Variants in MYOD1 observed in about 807,000 individuals in gnomAD.
MYOD1 encodes myoblast determination protein 1.
A neutral mutation model predicts 14.9 loss-of-function variants in MYOD1; 15 were observed. The observed-to-expected ratio is 1.01, with a 90% confidence interval of 0.67 to 1.55. The LOEUF (loss-of-function observed/expected upper bound fraction) is 1.55. Among genes scored for constraint, MYOD1 ranks in the 40% most tolerant of loss-of-function variants. The pLI, the probability that MYOD1 is intolerant of heterozygous loss-of-function variation, is 0.00. For synonymous variants in MYOD1, 235 were observed against 218.6 expected, an observed-to-expected ratio of 1.07 and a Z score of -0.66; for missense variants, 529 against 482.6, an observed-to-expected ratio of 1.10 and a Z score of -0.90.
rs1241234242 is a variant in MYOD1, at chr11:17,721,481, C to T, written c.936C>T (p.Asn312=). Reference sequence around the variant, plus strand: ...CCCCGCAGTGCCCTGCGGGTGCGAACCCCAACCCGATATACCAGGTGCTCT... The same window carrying T: ...CCCCGCAGTGCCCTGCGGGTGCGAATCCCAACCCGATATACCAGGTGCTCT... ...DAAPQCPAGA[N]PNPIYQVL The change falls in exon 3 of 3, where the codon AAC becomes AAT. Residue 312 remains asparagine (N), a synonymous_variant. Coordinates refer to ENST00000250003, the MANE Select transcript of MYOD1 (RefSeq NM_002478.5). The surrounding 1 kb of genome is among the most constrained non-coding windows in gnomAD (Gnocchi z 6.2). The T allele has an allele frequency of 2.5e-6, 4 of 1,577,728 alleles. No individual in the cohort carries two copies. In the African/African-American group the frequency reaches 4.1e-5, roughly 16 times the overall value.
In MYOD1 at chr11:17,720,655, T is replaced by C. The variant is rs534862950; in HGVS notation, c.630+243T>C. ...CACTGCAGCGCGAACGTGAAGATCT[T>C]TTTCTCTACTTATCCCTACTTCCAA... On this transcript the variant is annotated intron_variant, in intron 1 of 2. Transcript: ENST00000250003. Among the ~76,000 whole-genome samples, 4 of 152,246 alleles carry C rather than the reference T, an allele frequency of 2.6e-5. No homozygotes were observed. In the East Asian group the frequency reaches 5.8e-4, roughly 22 times the overall value.
chr11:17,720,565 G>C (rs781180636), intron 1 of MYOD1, among the ~76,000 whole-genome samples, 153 bp downstream of exon 1: 3 of 152,226 alleles, frequency 2.0e-5, no homozygotes, highest in African/African-American at 7.2e-5. Flanking sequence ...GCTGTCACTG[G>C]GGTAGCCTGT....
chr11:17,721,721 T>G lies in MYOD1; in HGVS notation c.*213T>G. ...CGCAGCACCCTTCTCGGAGACCCATTGCGATGGCCGCTCCGTGTTCCTCGG... is the reference window on the plus strand; with the variant it reads ...CGCAGCACCCTTCTCGGAGACCCATGGCGATGGCCGCTCCGTGTTCCTCGG... On this transcript the variant is annotated 3_prime_UTR_variant, in exon 3 of 3. Coordinates refer to ENST00000250003, the MANE Select transcript of MYOD1 (RefSeq NM_002478.5). This position sits in a 1 kb window ranked among gnomAD's most constrained non-coding sequence, Gnocchi z 6.2. The G allele has an allele frequency of 2.0e-6, 1 of 495,676 alleles. No individual in the cohort carries two copies. The highest frequency in any genetic ancestry group is 4.3e-5 in the South Asian group (1 of 23,494). 30.7% of individuals were successfully genotyped at this position (495,676 alleles called of 1,614,324 possible). A position where few individuals can be genotyped will look rare whatever the true frequency, so the allele number is the denominator to read the frequency against.
At chr11:17,720,551 G>A in intron 1 of MYOD1, 139 bp downstream of exon 1, 1 of 1,236,980 alleles carries the variant, frequency 8.1e-7, no homozygotes. Flanking sequence ...CCTTGTCCTG[G>A]GCAGCTGTCA....
At position 17,720,390 on chromosome 11, in the gene MYOD1, G is replaced by A. The variant is rs1164496055; in HGVS notation, c.608G>A (p.Arg203His). 6.4e-7 allele frequency: 1 copy of A among 1,562,554 alleles called. No individual in the cohort carries two copies. Among genetic ancestry groups the A allele is most frequent in the Non-Finnish European group, 8.6e-7 (1 of 1,164,726 alleles). The change falls in exon 1 of 3, where the codon CGC (arginine) becomes CAC (histidine). Residue 203 changes from arginine (R) to histidine (H), a missense_variant. Coordinates refer to ENST00000250003, the MANE Select transcript of MYOD1 (RefSeq NM_002478.5). ...GGCGACTCCGACGCGTCCAGCCCGCGCTCCAACTGCTCCGACGGCATGGTA... is the reference window on the plus strand; with the variant it reads ...GGCGACTCCGACGCGTCCAGCCCGCACTCCAACTGCTCCGACGGCATGGTA... Reference protein sequence around the residue: ...YSGDSDASSPRSNCSDGMMDY... With the variant: ...YSGDSDASSPHSNCSDGMMDY...
In MYOD1 at chr11:17,719,705, C is replaced by G; in HGVS notation, c.-78C>G. The G allele has an allele frequency of 2.6e-6, 4 of 1,523,842 alleles. No homozygotes were observed. The highest frequency in any genetic ancestry group is 2.6e-6 in the Non-Finnish European group (3 of 1,137,908). The allele number at this position is 1,523,842 out of a possible 1,614,324, so 94.4% of individuals were successfully genotyped here. ...CTTTGCTATCTACAGCCGGGGCTCC[C>G]GAGCGGCAGAAAGTTCCGGCCACTC... On this transcript the variant is annotated 5_prime_UTR_variant, in exon 1 of 3. Coordinates refer to ENST00000250003, the MANE Select transcript of MYOD1 (RefSeq NM_002478.5).
At position 17,721,568 on chromosome 11, in the gene MYOD1, A is replaced by C; in HGVS notation, c.*60A>C. On this transcript the variant is annotated 3_prime_UTR_variant, in exon 3 of 3. Coordinates refer to ENST00000250003, the MANE Select transcript of MYOD1 (RefSeq NM_002478.5). The surrounding 1 kb of genome is among the most constrained non-coding windows in gnomAD (Gnocchi z 6.2). ...TGCCCCTAGGGTCCCTCGCGCCCAAAAGATTGAACTTAAATGCCCCCCTCC... is the reference window on the plus strand; with the variant it reads ...TGCCCCTAGGGTCCCTCGCGCCCAACAGATTGAACTTAAATGCCCCCCTCC... The C allele has an allele frequency of 6.8e-7, 1 of 1,471,472 alleles. No individual in the cohort carries two copies. The allele number at this position is 1,471,472 out of a possible 1,614,324, so 91.2% of individuals were successfully genotyped here.
Position 17,721,102 on chromosome 11 carries a change from T to C in MYOD1, c.709+122T>C. The C allele has an allele frequency of 3.5e-6, 5 of 1,415,170 alleles. No homozygotes were observed. The highest frequency in any genetic ancestry group is 4.7e-6 in the Non-Finnish European group (5 of 1,068,988). 87.7% of individuals were successfully genotyped at this position (1,415,170 alleles called of 1,614,324 possible). A position where few individuals can be genotyped will look rare whatever the true frequency, so the allele number is the denominator to read the frequency against. On this transcript the variant is annotated intron_variant, in intron 2 of 2. Coordinates refer to ENST00000250003, the MANE Select transcript of MYOD1 (RefSeq NM_002478.5). This position sits in a 1 kb window ranked among gnomAD's most constrained non-coding sequence, Gnocchi z 6.2. ...ATGTCCTGGGAAGTGGTGCAGGAGATGAAATACTAAGCAAGTAGCTCCCTG... is the reference window on the plus strand; with the variant it reads ...ATGTCCTGGGAAGTGGTGCAGGAGACGAAATACTAAGCAAGTAGCTCCCTG...
rs1848640677 is a variant in MYOD1, at chr11:17,721,724, G to A, written c.*216G>A. On this transcript the variant is annotated 3_prime_UTR_variant, in exon 3 of 3. Coordinates refer to ENST00000250003, the MANE Select transcript of MYOD1 (RefSeq NM_002478.5). This position sits in a 1 kb window ranked among gnomAD's most constrained non-coding sequence, Gnocchi z 6.2. ...AGCACCCTTCTCGGAGACCCATTGC[G>A]ATGGCCGCTCCGTGTTCCTCGGTGG... The A allele has an allele frequency of 2.0e-6, 1 of 502,916 alleles. No individual in the cohort carries two copies. The highest frequency in any genetic ancestry group is 3.4e-6 in the Non-Finnish European group (1 of 297,316). The allele number at this position is 502,916 out of a possible 1,614,324, so 31.2% of individuals were successfully genotyped here.
chr11:17,720,409 C>T lies in MYOD1; in HGVS notation c.627C>T (p.Gly209=). 1 of 1,562,144 alleles carries T rather than the reference C, an allele frequency of 6.4e-7. No individual in the cohort carries two copies. Among genetic ancestry groups the T allele is most frequent in the South Asian group, 1.2e-5 (1 of 85,436 alleles). ...GCCCGCGCTCCAACTGCTCCGACGGCATGGTAAGGCCGGGACCCCAGGAAG... is the reference window on the plus strand; with the variant it reads ...GCCCGCGCTCCAACTGCTCCGACGGTATGGTAAGGCCGGGACCCCAGGAAG... ...ASSPRSNCSD[G]MMDYSGPPSG... The change falls in exon 1 of 3, where the codon GGC becomes GGT. Residue 209 remains glycine (G), a synonymous_variant. Coordinates refer to ENST00000250003, the MANE Select transcript of MYOD1 (RefSeq NM_002478.5).
At chr11:17,720,796 G>T in intron 1 of MYOD1, 106 bp from the exon 2 acceptor site, 1 of 1,276,120 alleles carries the variant, frequency 7.8e-7, no homozygotes. Flanking sequence ...TCTGGGCCCG[G>T]AACTAGAGCC....
chr11:17,720,296 C>T lies in MYOD1; in HGVS notation c.514C>T (p.Pro172Ser). The T allele has an allele frequency of 6.3e-7, 1 of 1,592,920 alleles. No homozygotes were observed. The highest frequency in any genetic ancestry group is 8.5e-7 in the Non-Finnish European group (1 of 1,173,160). ...GCTGCGCGACCAGGACGCCGCGCCC[C>T]CTGGCGCCGCAGCCGCCTTCTATGC... ...ALLRDQDAAP[P>S]GAAAAFYAPG... Residue 172 changes from proline to serine, a missense_variant, in exon 1 of 3, where the codon CCT becomes TCT. Coordinates refer to ENST00000250003, the MANE Select transcript of MYOD1 (RefSeq NM_002478.5).
At position 17,720,065 on chromosome 11, in the gene MYOD1, C is replaced by T. The variant is rs1848621036; in HGVS notation, c.283C>T (p.Leu95=). ...GCACCACCAGGCGGGCCGCTGCCTA[C>T]TGTGGGCCTGCAAGGCGTGCAAGCG... The part of the protein sequence containing the change: ...SGHHQAGRCL[L]WACKACKRKT... Residue 95 remains leucine (L), a synonymous_variant, in exon 1 of 3, where the codon CTG becomes TTG. Transcript: ENST00000250003. The T allele has an allele frequency of 6.4e-7, 1 of 1,572,366 alleles. No homozygotes were observed. Among genetic ancestry groups the T allele is most frequent in the Non-Finnish European group, 8.6e-7 (1 of 1,158,724 alleles).
Position 17,719,981 on chromosome 11 carries a change from G to T in MYOD1, c.199G>T (p.Ala67Ser). The T allele has an allele frequency of 6.2e-7, 1 of 1,611,338 alleles. No homozygotes were observed. Among genetic ancestry groups the T allele is most frequent in the Non-Finnish European group, 8.5e-7 (1 of 1,179,114 alleles). Reference protein sequence around the residue: ...LKPEEHSHFPAAVHPAPGARE... With the variant: ...LKPEEHSHFPSAVHPAPGARE... ...ACCCGAAGAGCACTCGCACTTCCCC[G>T]CGGCGGTGCACCCGGCCCCGGGCGC... Residue 67 changes from alanine (A) to serine (S), a missense_variant, in exon 1 of 3, where the codon GCG (alanine) becomes TCG (serine). By Grantham distance (99) the Ala-to-Ser change is moderately conservative. Transcript: ENST00000250003.
Position 17,721,336 on chromosome 11 carries a change from C to A in MYOD1, c.791C>A (p.Pro264His). 6.3e-7 allele frequency: 1 copy of A among 1,594,256 alleles called. No homozygotes were observed. ...SIVERISTES[P>H]AAPALLLADV... ...GTGGAGCGCATCTCCACCGAGAGCC[C>A]TGCGGCGCCCGCCCTCCTGCTGGCG... Residue 264 changes from proline (P) to histidine (H), a missense_variant, in exon 3 of 3, where the codon CCT becomes CAT. Coordinates refer to ENST00000250003, the MANE Select transcript of MYOD1 (RefSeq NM_002478.5). This position sits in a 1 kb window ranked among gnomAD's most constrained non-coding sequence, Gnocchi z 6.2.
In MYOD1 at chr11:17,720,057, G is replaced by A. The variant is rs866359886; in HGVS notation, c.275G>A (p.Arg92His). 1.3e-6 allele frequency: 2 copies of A among 1,571,184 alleles called. No homozygotes were observed. The highest frequency in any genetic ancestry group is 2.4e-5 in the East Asian group (1 of 42,284). Residue 92 changes from arginine (R) to histidine (H), a missense_variant, in exon 1 of 3, where the codon CGC becomes CAC. Physicochemically the swap from Arg to His is conservative, Grantham distance 29. Transcript: ENST00000250003. Reference sequence around the variant, plus strand: ...CCCAGCGGGCACCACCAGGCGGGCCGCTGCCTACTGTGGGCCTGCAAGGCG... The same window carrying A: ...CCCAGCGGGCACCACCAGGCGGGCCACTGCCTACTGTGGGCCTGCAAGGCG... ...RAPSGHHQAG[R>H]CLLWACKACK...
intron 1 of MYOD1, 90 bp from the exon 2 acceptor site, chr11:17,720,812 C>T (rs1166591969): frequency 7.1e-7 from 1 of 1,399,348 alleles, no homozygotes; most frequent in Admixed American, 1.9e-5. Flanking sequence ...GAGCCTTAGG[C>T]TAGAGTTAGG....
Position 17,720,909 on chromosome 11 carries a change from A to G in MYOD1, c.638A>G (p.Tyr213Cys). ...CGCCCTTGCTGTTTGCAGATGGACT[A>G]CAGCGGCCCCCCGAGCGGCGCCCGG... The part of the protein sequence containing the change: ...RSNCSDGMMD[Y>C]SGPPSGARRR... The change falls in exon 2 of 3, where the codon TAC (tyrosine) becomes TGC (cysteine). Residue 213 changes from tyrosine to cysteine, a missense_variant. Transcript: ENST00000250003. The G allele has an allele frequency of 2.5e-6, 4 of 1,612,100 alleles. No homozygotes were observed. Among genetic ancestry groups the G allele is most frequent in the Non-Finnish European group, 2.5e-6 (3 of 1,179,658 alleles).
At position 17,720,964 on chromosome 11, in the gene MYOD1, C is replaced by T. The variant is rs780375686; in HGVS notation, c.693C>T (p.Tyr231=). The T allele has an allele frequency of 1.9e-6, 3 of 1,602,996 alleles. No individual in the cohort carries two copies. Among genetic ancestry groups the T allele is most frequent in the Non-Finnish European group, 8.5e-7 (1 of 1,175,718 alleles). The stretch of plus-strand genomic sequence containing the variant: ...GGAACTGCTACGAAGGCGCCTACTA[C>T]AACGAGGCGCCCAGCGGTGGGTATT... ...RRRNCYEGAY[Y]NEAPSEPRPG... The change falls in exon 2 of 3, where the codon TAC becomes TAT. Residue 231 remains tyrosine, a synonymous_variant. Transcript: ENST00000250003.
Sources: allele counts gnomAD v4.1 joint callset (sites outside exome capture counted in the v4.1 genomes callset), GRCh38; gene constraint gnomAD v4.1.1; non-coding constraint Gnocchi (gnomAD v3.1); transcripts MANE v1.5; gene names NCBI Gene and HGNC (gene_info 2026-07-23, HGNC 2026-07-21).